Variants in ITGAV observed in about 807,000 individuals in gnomAD.
ITGAV encodes the protein integrin alpha-V.
In ITGAV, 76 loss-of-function variants were observed where a neutral mutation model predicts 143.8. That is an observed-to-expected ratio of 0.53 (90% CI 0.44 to 0.64). ITGAV has a LOEUF of 0.64. ITGAV is among the 30% of genes least tolerant of loss of function. The pLI, the probability that ITGAV is intolerant of heterozygous loss-of-function variation, is 0.00. For synonymous variants in ITGAV, 453 were observed against 446.7 expected, an observed-to-expected ratio of 1.01 and a Z score of -0.18; for missense variants, 1,193 against 1,274.7, an observed-to-expected ratio of 0.94 and a Z score of 0.98.
intron 20 of ITGAV, 39 bp downstream of exon 20, chr2:186,664,680 C>T (rs766479951): frequency 1.1e-5 from 18 of 1,611,954 alleles, no homozygotes; most frequent in Non-Finnish European, 8.5e-6. Flanking sequence ...AATGCACTCA[C>T]GGATCTTATT....
At chr2:186,609,520 G>T (rs1310971843) in intron 2 of ITGAV, among the ~76,000 whole-genome samples, 1 of 152,082 alleles carries the variant, frequency 6.6e-6, no homozygotes, top group Non-Finnish European at 1.5e-5. Flanking sequence ...ATGTATTTGA[G>T]AGATCAGTCT....
At chr2:186,646,605 G>T in intron 12 of ITGAV, 81 bp from the exon 13 acceptor site, 9 of 1,015,532 alleles carry the variant, frequency 8.9e-6, no homozygotes, top group South Asian at 3.8e-5. Context: ...CCCTTCTCTC[G>T]TTCCTTCCTC....
intron 1 of ITGAV, among the ~76,000 whole-genome samples, chr2:186,600,545 C>A (rs1206080391): frequency 6.6e-6 from 1 of 152,194 alleles, no homozygotes. Context: ...GGTCTCCTCT[C>A]CCTATTCCCA....
intron 2 of ITGAV, among the ~76,000 whole-genome samples, chr2:186,611,356 C>G (rs1371672702): frequency 6.6e-6 from 1 of 152,010 alleles, no homozygotes; most frequent in Non-Finnish European, 1.5e-5. Flanking sequence ...TACCACAGTG[C>G]CCTTTTATGT....
chr2:186,590,536 A>G lies in ITGAV; in HGVS notation c.185+13A>G. ...CCAGCGCGTCTTCGTAAGTGGCCGC[A>G]CTTGGAACTGGAGCCGGCCCCCTCC... On this transcript the variant is annotated intron_variant, in intron 1 of 29. Transcript: ENST00000261023. The G allele has an allele frequency of 1.2e-6, 2 of 1,609,116 alleles. No individual in the cohort carries two copies. Among genetic ancestry groups the G allele is most frequent in the Non-Finnish European group, 8.5e-7 (1 of 1,178,182 alleles).
At chr2:186,599,056 A>G (rs1686826559) in intron 1 of ITGAV, among the ~76,000 whole-genome samples, 1 of 152,220 alleles carries the variant, frequency 6.6e-6, no homozygotes, top group African/African-American at 2.4e-5. Context: ...TGCATTCCAT[A>G]TTTAAGATGT....
At chr2:186,665,401 G>T (rs540733978) in intron 21 of ITGAV, among the ~76,000 whole-genome samples, 183 bp downstream of exon 21, 2 of 152,292 alleles carry the variant, frequency 1.3e-5, no homozygotes, top group East Asian at 3.9e-4. Flanking sequence ...AAAACAATTG[G>T]TTGTGCTCCT....
chr2:186,600,869 G>C (rs938426118), intron 1 of ITGAV, among the ~76,000 whole-genome samples: 10 of 151,746 alleles, frequency 6.6e-5, no homozygotes, highest in African/African-American at 2.4e-4. Flanking sequence ...TGAGGCAGGA[G>C]AATCGCTTGA....
At chr2:186,602,570 G>C (rs1686940488) in intron 2 of ITGAV, among the ~76,000 whole-genome samples, 1 of 152,174 alleles carries the variant, frequency 6.6e-6, no homozygotes, top group African/African-American at 2.4e-5. Context: ...CCAAGCCTTA[G>C]GCTGTGCTAT....
chr2:186,641,219 A>C, intron 11 of ITGAV, 167 bp from the exon 12 acceptor site: 1 of 629,068 alleles, frequency 1.6e-6, no homozygotes, highest in Non-Finnish European at 2.8e-6. Context: ...TCTTAAAAGA[A>C]TTAAAGGAAG....
intron 14 of ITGAV, among the ~76,000 whole-genome samples, chr2:186,650,847 C>T (rs1448163542): frequency 6.6e-6 from 1 of 152,018 alleles, no homozygotes; most frequent in East Asian, 1.9e-4. Context: ...ACTATGCCCG[C>T]CCCTTCTTTG....
chr2:186,594,845 AT>A (rs1290800794), intron 1 of ITGAV, among the ~76,000 whole-genome samples: 1 of 152,152 alleles, frequency 6.6e-6, no homozygotes, highest in Non-Finnish European at 1.5e-5. Context: ...ATATTGGCTG[AT>A]TTTTCTCATC....
chr2:186,631,919 C>T (rs558167660), intron 5 of ITGAV, among the ~76,000 whole-genome samples: 15 of 152,042 alleles, frequency 9.9e-5, no homozygotes, highest in East Asian at 1.9e-4. Context: ...CCTAGCTATT[C>T]GGGAGGCTAA....
Position 186,630,917 on chromosome 2 carries a change from T to A in ITGAV, c.585+59T>A. On this transcript the variant is annotated intron_variant, in intron 5 of 29. Transcript: ENST00000261023. ...ATCTACCTTATTGACTAGACTGTGG[T>A]TAAAAATAAACTGGTCAATACCTCA... 3 of 921,270 alleles carry A rather than the reference T, an allele frequency of 3.3e-6. No homozygotes were observed. In the South Asian group the frequency reaches 4.6e-5, roughly 14 times the overall value. The allele number at this position is 921,270 out of a possible 1,614,324, so 57.1% of individuals were successfully genotyped here. A position where few individuals can be genotyped will look rare whatever the true frequency, so the allele number is the denominator to read the frequency against.
rs1688006592 is a variant in ITGAV, at chr2:186,638,406, C to CA, written c.847-2dup. On this transcript the variant is annotated splice_polypyrimidine_tract_variant and splice_region_variant and intron_variant, in intron 9 of 29. Transcript: ENST00000261023. Reference sequence around the variant, plus strand: ...TTCACATACTTCTATTTTTCCTTCACAGGTTTATATTTATGATGGGAAGAA... The same window carrying CA: ...TTCACATACTTCTATTTTTCCTTCACAAGGTTTATATTTATGATGGGAAGAA... 1 of 1,611,300 alleles carries CA rather than the reference C, an allele frequency of 6.2e-7. No homozygotes were observed. Among genetic ancestry groups the CA allele is most frequent in the African/African-American group, 1.3e-5 (1 of 74,958 alleles).
Position 186,678,748 on chromosome 2 carries a change from ATGT to A in ITGAV, c.*1460_*1462del, listed in dbSNP as rs1335257969. On this transcript the variant is annotated 3_prime_UTR_variant, in exon 30 of 30. Transcript: ENST00000261023. ...ATACCTATTTTTGTGCAATTACATC[ATGT>A]TGTACATTAGAAATGGAGAGTTTAA... 1.1e-5 allele frequency: 5 copies of A among 455,750 alleles called. No individual in the cohort carries two copies. Among genetic ancestry groups the A allele is most frequent in the Admixed American group, 9.4e-5 (4 of 42,530 alleles). 28.2% of individuals were successfully genotyped at this position (455,750 alleles called of 1,614,324 possible). A position where few individuals can be genotyped will look rare whatever the true frequency, so the allele number is the denominator to read the frequency against.
intron 4 of ITGAV, among the ~76,000 whole-genome samples, chr2:186,627,176 A>G (rs1687697422): frequency 6.6e-6 from 1 of 152,164 alleles, no homozygotes; most frequent in East Asian, 1.9e-4. Flanking sequence ...AAGCAGGAGT[A>G]AGCAAAAGGA....
chr2:186,600,278 T>A, intron 1 of ITGAV: 1 of 1,491,578 alleles, frequency 6.7e-7, no homozygotes, highest in South Asian at 1.2e-5. Flanking sequence ...TCCCTCCATC[T>A]CTTCATTCCA....
At chr2:186,598,418 G>T (rs1241187595) in intron 1 of ITGAV, among the ~76,000 whole-genome samples, 1 of 149,272 alleles carries the variant, frequency 6.7e-6, no homozygotes, top group African/African-American at 2.5e-5. Context: ...GGGAGGTGGG[G>T]ACTCTCTTAC....
Sources: allele counts gnomAD v4.1 joint callset (sites outside exome capture counted in the v4.1 genomes callset), GRCh38; gene constraint gnomAD v4.1.1; transcripts MANE v1.5; gene names NCBI Gene and HGNC (gene_info 2026-07-23, HGNC 2026-07-21).